Variants in IFRD2 observed in about 807,000 individuals in gnomAD.
The protein encoded by IFRD2 is interferon related developmental regulator 2.
IFRD2 carries 35 observed loss-of-function variants against 49.2 expected under a neutral mutation model. That is an observed-to-expected ratio of 0.71 (90% CI 0.54 to 0.94). The LOEUF is 0.94. IFRD2 is among the 40% of genes least tolerant of loss of function. IFRD2 has a pLI of 0.00. For synonymous variants in IFRD2, 275 were observed against 239.7 expected (o/e 1.15, Z -1.36); for missense variants, 561 against 591.6 (o/e 0.95, Z 0.54).
Position 50,292,278 on chromosome 3 carries a change from G to A in IFRD2, c.-4C>T. On this transcript the variant is annotated 5_prime_UTR_variant, in exon 1 of 12. Transcript: ENST00000417626. ...TGCCCTTACGGGCGCGAGGCATGCC[G>A]GGAACCGGGCGCGGGGGGCGCGGGG... The A allele has an allele frequency of 1.3e-6, 2 of 1,552,488 alleles. No homozygotes were observed. Among genetic ancestry groups the A allele is most frequent in the South Asian group, 1.2e-5 (1 of 82,836 alleles).
At chr3:50,290,515 A>C in intron 2 of IFRD2, 43 bp from the exon 3 acceptor site, 1 of 1,604,434 alleles carries the variant, frequency 6.2e-7, no homozygotes, top group Non-Finnish European at 8.5e-7. Flanking sequence ...TCCTCAGCCC[A>C]TGGAGCCCTC....
chr3:50,290,110 C>G, intron 4 of IFRD2, 24 bp from the exon 5 acceptor site: 1 of 1,612,748 alleles, frequency 6.2e-7, no homozygotes, highest in Non-Finnish European at 8.5e-7. Context: ...TCCAGTCAGC[C>G]CATGCAGCAA....
rs149865169 is a variant in IFRD2 at position 50,288,878 on chromosome 3, A to G, written c.945T>C (p.Thr315=). The change falls in exon 9 of 12, where the codon ACT becomes ACC. Residue 315 remains threonine (T), a synonymous_variant. Transcript: ENST00000417626. ...ALCSVLRTLA[T]DSNKYRAKAD... ...CCTTGGCACGGTACTTGTTACTGTC[A>G]GTGGCCAGAGTGCGCAGGACACTGC... The G allele has an allele frequency of 8.6e-4, 1,386 of 1,613,598 alleles. 1 individual carries two copies. The highest frequency in any genetic ancestry group is 1.1e-3 in the Non-Finnish European group (1,285 of 1,179,732).
rs201133694 is a variant in IFRD2 at position 50,290,343 on chromosome 3, C to G, written c.263+45G>C. ...TCATATGGGCCAGCCCTCCCTTGATCACACTTGGAGCTGGGTGTAGGAGTT... is the reference window on the plus strand; with the variant it reads ...TCATATGGGCCAGCCCTCCCTTGATGACACTTGGAGCTGGGTGTAGGAGTT... On this transcript the variant is annotated intron_variant, in intron 3 of 11. Transcript: ENST00000417626. 30 of 1,601,254 alleles carry G rather than the reference C, an allele frequency of 1.9e-5. No individual in the cohort carries two copies. In the African/African-American group the frequency reaches 4.0e-4, roughly 21 times the overall value.
chr3:50,289,571 C>T lies in IFRD2; in HGVS notation c.655G>A (p.Gly219Arg), dbSNP rs587621738. ...ACCACAGGACTTGTGGAGCTGCCCC[C>T]CAAGCCATAGAACCGGCTGAAAACA... ...ESVFSRFYGL[G>R]GSSTSPVVPA... The change falls in exon 7 of 12, where the codon GGG becomes AGG. Residue 219 changes from glycine (G) to arginine (R), a missense_variant. Physicochemically the swap from Gly to Arg is moderately radical, Grantham distance 125. Coordinates refer to ENST00000417626, the MANE Select transcript of IFRD2 (RefSeq NM_006764.5). The T allele has an allele frequency of 6.3e-7, 1 of 1,584,516 alleles. No individual in the cohort carries two copies. Among genetic ancestry groups the T allele is most frequent in the South Asian group, 1.2e-5 (1 of 86,864 alleles).
chr3:50,288,251 G>C lies in IFRD2; in HGVS notation c.1269C>G (p.Ala423=), dbSNP rs1701594637. 6.2e-7 allele frequency: 1 copy of C among 1,613,948 alleles called. No individual in the cohort carries two copies. Among genetic ancestry groups the C allele is most frequent in the Non-Finnish European group, 8.5e-7 (1 of 1,179,860 alleles). The change falls in exon 12 of 12, where the codon GCC becomes GCG. Residue 423 remains alanine (A), a synonymous_variant. Coordinates refer to ENST00000417626, the MANE Select transcript of IFRD2 (RefSeq NM_006764.5). ...TTCGAGCCTTGGTCCGGGCTTTGAA[G>C]GCAGCAGCATTGTACAGGTGCTAGA... The part of the protein sequence containing the change: ...RFEKHLYNAA[A]FKARTKARSR...
chr3:50,288,758 G>A (rs1490107103), intron 9 of IFRD2, 42 bp downstream of exon 9: 1 of 1,611,762 alleles, frequency 6.2e-7, no homozygotes, highest in Non-Finnish European at 8.5e-7. Context: ...TGCTATGCCT[G>A]GGGGTGCACC....
chr3:50,288,997 G>C (rs1459533401), intron 8 of IFRD2, 60 bp from the exon 9 acceptor site: 2 of 1,584,066 alleles, frequency 1.3e-6, no homozygotes, highest in Non-Finnish European at 1.7e-6. Context: ...GCTCTGAACA[G>C]GGCACTGCCC....
Position 50,290,378 on chromosome 3 carries a change from C to A in IFRD2, c.263+10G>T. ...GCTGGGTGTAGGAGTTGGCTGGCAG[C>A]CAGGGGTACCTCTTGTCTGTGAGAC... On this transcript the variant is annotated intron_variant, in intron 3 of 11. Coordinates refer to ENST00000417626, the MANE Select transcript of IFRD2 (RefSeq NM_006764.5). The A allele has an allele frequency of 1.3e-6, 2 of 1,586,684 alleles. No individual in the cohort carries two copies.
chr3:50,289,836 C>T (rs1701637377), intron 5 of IFRD2, 74 bp from the exon 6 acceptor site: 6 of 1,588,258 alleles, frequency 3.8e-6, no homozygotes, highest in Non-Finnish European at 4.3e-6. Flanking sequence ...GCTCACTCCC[C>T]TCAGAGTAAA....
rs587765650 is a variant in IFRD2, at chr3:50,289,219, G to A, written c.885+36C>T. On this transcript the variant is annotated intron_variant, in intron 8 of 11. Coordinates refer to ENST00000417626, the MANE Select transcript of IFRD2 (RefSeq NM_006764.5). ...GCATCCAGCCTGTGATGGGCAGGTG[G>A]TGTCACCAAGCACCCCCCATCCTTG... The A allele has an allele frequency of 7.8e-5, 117 of 1,509,434 alleles. 2 individuals carry two copies. In the South Asian group the frequency reaches 8.9e-4, roughly 11 times the overall value. 93.5% of individuals were successfully genotyped at this position (1,509,434 alleles called of 1,614,324 possible). A position where few individuals can be genotyped will look rare whatever the true frequency, so the allele number is the denominator to read the frequency against.
At position 50,289,298 on chromosome 3, in the gene IFRD2, C is replaced by T. The variant is rs200964278; in HGVS notation, c.842G>A (p.Gly281Asp). ...SESVNLRIAA[G>D]ETIALLFELA... ...CTCAAAGAGCAGTGCAATGGTTTCACCGGCAGCGATCCGCAGGTTCACACT... is the reference window on the plus strand; with the variant it reads ...CTCAAAGAGCAGTGCAATGGTTTCATCGGCAGCGATCCGCAGGTTCACACT... Residue 281 changes from glycine to aspartate, a missense_variant, in exon 8 of 12, where the codon GGT becomes GAT. Gly to Asp is a moderately conservative substitution (Grantham distance 94). Coordinates refer to ENST00000417626, the MANE Select transcript of IFRD2 (RefSeq NM_006764.5). 873 of 1,596,670 alleles carry T rather than the reference C, an allele frequency of 5.5e-4. No homozygotes were observed. The highest frequency in any genetic ancestry group is 8.7e-4 in the Admixed American group (50 of 57,330).
At chr3:50,291,070 T>A (rs112339923) in intron 1 of IFRD2, among the ~76,000 whole-genome samples, 15 of 145,966 alleles carry the variant, frequency 1.0e-4, no homozygotes, top group Non-Finnish European at 1.5e-5. Context: ...TGGAGTGCAA[T>A]GACGCCATCT....
rs913117928 is a variant in IFRD2, at chr3:50,287,888, A to G, written c.*303T>C. Reference sequence around the variant, plus strand: ...CCCTAAGAGTGGGTCATCCTGGGGGAGCAAGGCCTGAGAAAGGAAAGGAAG... The same window carrying G: ...CCCTAAGAGTGGGTCATCCTGGGGGGGCAAGGCCTGAGAAAGGAAAGGAAG... On this transcript the variant is annotated 3_prime_UTR_variant, in exon 12 of 12. Coordinates refer to ENST00000417626, the MANE Select transcript of IFRD2 (RefSeq NM_006764.5). 1.6e-5 allele frequency: 6 copies of G among 380,176 alleles called. No homozygotes were observed. Among genetic ancestry groups the G allele is most frequent in the Admixed American group, 3.9e-5 (1 of 25,502 alleles). The allele number at this position is 380,176 out of a possible 1,614,324, so 23.6% of individuals were successfully genotyped here. A position where few individuals can be genotyped will look rare whatever the true frequency, so the allele number is the denominator to read the frequency against.
In IFRD2 at chr3:50,292,140, C is replaced by G; in HGVS notation, c.58+77G>C. ...GAGGGGGTTCCCCACCCAGGGCCCT[C>G]GAGAACAACCAAGGGGATCCAGCAG... is the stretch of plus-strand genomic sequence containing the variant. On this transcript the variant is annotated intron_variant, in intron 1 of 11. Coordinates refer to ENST00000417626, the MANE Select transcript of IFRD2 (RefSeq NM_006764.5). 2.9e-6 allele frequency: 4 copies of G among 1,392,444 alleles called. No individual in the cohort carries two copies. In the South Asian group the frequency reaches 6.1e-5, roughly 21 times the overall value. 86.3% of individuals were successfully genotyped at this position (1,392,444 alleles called of 1,614,324 possible).
chr3:50,291,204 T>G (rs1701666661), intron 1 of IFRD2, among the ~76,000 whole-genome samples: 1 of 151,920 alleles, frequency 6.6e-6, no homozygotes, highest in African/African-American at 2.4e-5. Flanking sequence ...TAGATAGGGT[T>G]TCTCCATGTT....
intron 1 of IFRD2, among the ~76,000 whole-genome samples, chr3:50,291,341 C>G (rs587742821): frequency 3.7e-4 from 57 of 152,206 alleles, no homozygotes; most frequent in South Asian, 3.5e-3. Context: ...TTCTACCTGC[C>G]GGAGCAGCCC....
chr3:50,289,609 G>A lies in IFRD2; in HGVS notation c.617C>T (p.Ala206Val). 6.3e-7 allele frequency: 1 copy of A among 1,597,002 alleles called. No individual in the cohort carries two copies. The highest frequency in any genetic ancestry group is 8.5e-7 in the Non-Finnish European group (1 of 1,171,962). The change falls in exon 7 of 12, where the codon GCC becomes GTC. Residue 206 changes from alanine to valine, a missense_variant. Transcript: ENST00000417626. Reference protein sequence around the residue: ...ADIQDLVSCLACLESVFSRFY... With the variant: ...ADIQDLVSCLVCLESVFSRFY... ...CCGGCTGAAAACACTTTCTAAGCAGGCAAGGCAAGAGACCAGGTCCTAGGA... is the reference window on the plus strand; with the variant it reads ...CCGGCTGAAAACACTTTCTAAGCAGACAAGGCAAGAGACCAGGTCCTAGGA...
chr3:50,292,243 C>T lies in IFRD2; in HGVS notation c.32G>A (p.Arg11Gln). 3 of 1,515,200 alleles carry T rather than the reference C, an allele frequency of 2.0e-6. No homozygotes were observed. The highest frequency in any genetic ancestry group is 2.8e-5 in the African/African-American group (2 of 71,920). 93.9% of individuals were successfully genotyped at this position (1,515,200 alleles called of 1,614,324 possible). Residue 11 changes from arginine to glutamine, a missense_variant, in exon 1 of 12, where the codon CGG (arginine) becomes CAG (glutamine). Coordinates refer to ENST00000417626, the MANE Select transcript of IFRD2 (RefSeq NM_006764.5). The part of the protein sequence containing the change: MPRARKGNTL[R>Q]KGGQRRGGGA... The stretch of plus-strand genomic sequence containing the variant: ...TCCTCCACGGCGCTGACCACCCTTC[C>T]GGAGCGTGTTGCCCTTACGGGCGCG...
Sources: gnomAD v4.1 joint callset for allele counts (sites outside exome capture counted in the v4.1 genomes callset) on GRCh38, gnomAD v4.1.1 for gene constraint, MANE v1.5 for transcripts, NCBI Gene and HGNC (gene_info 2026-07-23, HGNC 2026-07-21) for gene names.